Variants in NCK1 observed in about 807,000 individuals in gnomAD.
NCK1 encodes SH2/SH3 adapter protein NCK1.
Under a neutral mutation model 36.6 loss-of-function variants are expected in NCK1, and 19 were observed. That is an observed-to-expected ratio of 0.52 (90% CI 0.36 to 0.76). The LOEUF is 0.76. Ranked by LOEUF, NCK1 falls within the 30% of genes least tolerant of loss-of-function variation. NCK1 has a pLI of 0.00. For missense variants in NCK1, 358 were observed against 445.6 expected, an observed-to-expected ratio of 0.80 and a Z score of 1.77; for synonymous variants, 165 against 156.0, an observed-to-expected ratio of 1.06 and a Z score of -0.43.
chr3:136,898,510 A>T (rs991941508), intron 1 of NCK1, among the ~76,000 whole-genome samples: 1 of 152,128 alleles, frequency 6.6e-6, no homozygotes, highest in Non-Finnish European at 1.5e-5. Flanking sequence ...TCTATTTGTT[A>T]TAGAATAACC....
chr3:136,945,540 T>C (rs767549636), intron 2 of NCK1, 43 bp from the exon 3 acceptor site: 10 of 1,364,016 alleles, frequency 7.3e-6, no homozygotes, highest in African/African-American at 1.5e-5. Flanking sequence ...TTGGTAATCA[T>C]TTTTTTATAT....
At chr3:136,922,440 G>A (rs968718867) in intron 1 of NCK1, among the ~76,000 whole-genome samples, 2 of 152,112 alleles carry the variant, frequency 1.3e-5, no homozygotes, top group Non-Finnish European at 2.9e-5. Flanking sequence ...ACCAGGTTTT[G>A]GCTGGAACAA....
chr3:136,900,787 TA>T (rs1939521293), intron 1 of NCK1, among the ~76,000 whole-genome samples: 1 of 152,232 alleles, frequency 6.6e-6, no homozygotes, highest in African/African-American at 2.4e-5. Context: ...TTACTGAATT[TA>T]TTTAGCAGAA....
intron 1 of NCK1, among the ~76,000 whole-genome samples, chr3:136,866,306 T>G (rs544839219): frequency 2.0e-5 from 3 of 150,734 alleles, no homozygotes; most frequent in African/African-American, 7.3e-5. Flanking sequence ...TTTTCTTTCT[T>G]TCTTTCTTTT....
intron 1 of NCK1, among the ~76,000 whole-genome samples, chr3:136,873,832 C>CA (rs1326746443): frequency 6.6e-6 from 1 of 152,164 alleles, no homozygotes; most frequent in Admixed American, 6.6e-5. Flanking sequence ...GTGAGACATG[C>CA]CTTTCACTAT....
intron 1 of NCK1, among the ~76,000 whole-genome samples, chr3:136,902,188 T>TG (rs1205370557): frequency 1.4e-4 from 12 of 87,840 alleles, no homozygotes; most frequent in South Asian, 4.5e-4. Flanking sequence ...CTCTTTGTTT[T>TG]TTTTTTTTTT....
Position 136,946,161 on chromosome 3 carries a change from A to G in NCK1, c.805A>G (p.Ile269Val), listed in dbSNP as rs1347802436. The G allele has an allele frequency of 3.1e-6, 5 of 1,613,698 alleles. No homozygotes were observed. The highest frequency in any genetic ancestry group is 2.2e-5 in the East Asian group (1 of 44,818). ...ACCATCACCTCCACAGTGTGATTACATTAGGCCTTCACTCACTGGAAAGTT... is the reference window on the plus strand; with the variant it reads ...ACCATCACCTCCACAGTGTGATTACGTTAGGCCTTCACTCACTGGAAAGTT... Reference protein sequence around the residue: ...LEPSPPQCDYIRPSLTGKFAG... With the variant: ...LEPSPPQCDYVRPSLTGKFAG... The change falls in exon 3 of 4, where the codon ATT (isoleucine) becomes GTT (valine). Residue 269 changes from isoleucine (I) to valine (V), a missense_variant. This residue lies in a region of NCK1 where 207 missense variants were observed against 253.4 expected (regional missense o/e 0.82). Transcript: ENST00000481752.
rs1390750409 is a variant in NCK1, at chr3:136,867,173, CTTCCTTCT to C, written c.-19+4824_-19+4831del. 1.3e-3 allele frequency among the ~76,000 whole-genome samples: 45 copies of C among 35,452 alleles called. 3 individuals are homozygous for C. The highest frequency in any genetic ancestry group is 0.011 in the East Asian group (7 of 654). 23.3% of individuals were successfully genotyped at this position (35,452 alleles called of 152,430 possible). A position where few individuals can be genotyped will look rare whatever the true frequency, so the allele number is the denominator to read the frequency against. The stretch of plus-strand genomic sequence containing the variant: ...CCTTCCTTCCTTCCTTCCTTCCTTC[CTTCCTTCT>C]TTCTTTCTTTTCTTTCTTTTCCCTT... On this transcript the variant is annotated intron_variant, in intron 1 of 3. Coordinates refer to ENST00000481752, the MANE Select transcript of NCK1 (RefSeq NM_001291999.2).
intron 1 of NCK1, among the ~76,000 whole-genome samples, chr3:136,888,008 G>A (rs1444952844): frequency 6.7e-6 from 1 of 149,540 alleles, no homozygotes. Flanking sequence ...GCAATGGCAT[G>A]ATCTCTGCTC....
intron 1 of NCK1, among the ~76,000 whole-genome samples, chr3:136,865,674 T>G (rs1308184281): frequency 6.6e-6 from 1 of 152,200 alleles, no homozygotes; most frequent in African/African-American, 2.4e-5. Context: ...TAAGTAAAAT[T>G]GAAGGGAACT....
chr3:136,948,438 C>A lies in NCK1; in HGVS notation c.1119C>A (p.Val373=). Residue 373 remains valine (V), a synonymous_variant, in exon 4 of 4, where the codon GTC becomes GTA. Transcript: ENST00000481752. ...AACAAGGAGAAAAATTATATCTTGT[C>A]AAGCATTTATCATGATACTGCTGAC... The part of the protein sequence containing the change: ...TSEQGEKLYL[V]KHLS 1 of 1,611,804 alleles carries A rather than the reference C, an allele frequency of 6.2e-7. No individual in the cohort carries two copies. Among genetic ancestry groups the A allele is most frequent in the South Asian group, 1.1e-5 (1 of 90,748 alleles).
intron 1 of NCK1, among the ~76,000 whole-genome samples, chr3:136,916,802 C>CT (rs1389975422): frequency 1.3e-5 from 2 of 152,004 alleles, no homozygotes; most frequent in East Asian, 1.9e-4. Flanking sequence ...ATAAAAGAGA[C>CT]TTTTTTATAT....
At chr3:136,896,594 G>T (rs962269984) in intron 1 of NCK1, among the ~76,000 whole-genome samples, 4 of 152,142 alleles carry the variant, frequency 2.6e-5, no homozygotes, top group Non-Finnish European at 5.9e-5. Flanking sequence ...CTGGAGTGCA[G>T]TGGTGCAATC....
intron 1 of NCK1, among the ~76,000 whole-genome samples, chr3:136,910,703 T>C (rs922029732): frequency 1.3e-5 from 2 of 152,248 alleles, no homozygotes; most frequent in African/African-American, 4.8e-5. Flanking sequence ...TGGGATGTTC[T>C]GACACATGTA....
chr3:136,926,451 A>G (rs1320831110), intron 1 of NCK1, among the ~76,000 whole-genome samples: 1 of 151,494 alleles, frequency 6.6e-6, no homozygotes, highest in Non-Finnish European at 1.5e-5. Context: ...ATTTTTTTGT[A>G]TTTTTAGTAG....
At position 136,874,074 on chromosome 3, in the gene NCK1, T is replaced by C. The variant is rs182013832; in HGVS notation, c.-19+11721T>C. 2.4e-3 allele frequency among the ~76,000 whole-genome samples: 358 copies of C among 152,052 alleles called. 2 individuals carry two copies. The highest frequency in any genetic ancestry group is 6.8e-3 in the African/African-American group (281 of 41,580). ...CCTTTTCAGTGATAGTAGTATTCCA[T>C]TGGATGAATATAATGTAATTTTAAA... On this transcript the variant is annotated intron_variant, in intron 1 of 3. Coordinates refer to ENST00000481752, the MANE Select transcript of NCK1 (RefSeq NM_001291999.2).
intron 1 of NCK1, among the ~76,000 whole-genome samples, chr3:136,883,997 A>T (rs76489751): frequency 6.6e-6 from 1 of 152,350 alleles, no homozygotes; most frequent in Admixed American, 6.5e-5. Flanking sequence ...TGCATATTCA[A>T]TTTGAGGTGA....
chr3:136,938,924 A>G (rs780754188), intron 2 of NCK1, among the ~76,000 whole-genome samples: 19 of 152,234 alleles, frequency 1.2e-4, no homozygotes, highest in Non-Finnish European at 2.8e-4. Flanking sequence ...TTTTGCATCT[A>G]TATTTCTAAG....
rs1940941857 is a variant in NCK1, at chr3:136,950,355, CTT to C, written c.*1905_*1906del. ...ACTGAGCTGATATTAATAGAGCAGA[CTT>C]TTGAGAAAGTAGGAGTGTAGTAGCA... On this transcript the variant is annotated 3_prime_UTR_variant, in exon 4 of 4. Coordinates refer to ENST00000481752, the MANE Select transcript of NCK1 (RefSeq NM_001291999.2). Among the ~76,000 whole-genome samples, 1 of 152,060 alleles carries C rather than the reference CTT, an allele frequency of 6.6e-6. No homozygotes were observed. The highest frequency in any genetic ancestry group is 1.5e-5 in the Non-Finnish European group (1 of 67,948).
Sources: gnomAD v4.1 joint callset for allele counts (sites outside exome capture counted in the v4.1 genomes callset) on GRCh38, gnomAD v4.1.1 for gene constraint, gnomAD v4.1.1 regional missense constraint, MANE v1.5 for transcripts, NCBI Gene and HGNC (gene_info 2026-07-23, HGNC 2026-07-21) for gene names.